Variants in ZNF157 observed in about 807,000 individuals in gnomAD.
ZNF157 encodes the protein zinc finger protein 22.
A neutral mutation model predicts 9.4 loss-of-function variants in ZNF157; 8 were observed. The observed-to-expected ratio is 0.85, with a 90% CI of 0.50 to 1.53. The LOEUF (loss-of-function observed/expected upper bound fraction) is 1.53. ZNF157 is among the 40% of genes most tolerant of loss of function. ZNF157 has a pLI of 0.00. For synonymous variants in ZNF157, 120 were observed against 130.8 expected (o/e 0.92, Z 0.56); for missense variants, 316 against 385.2 (o/e 0.82, Z 1.50).
chrX:47,381,792 A>G (rs1399670151), intron 1 of ZNF157, among the ~76,000 whole-genome samples: 1 of 112,039 alleles, frequency 8.9e-6, no homozygotes, highest in African/African-American at 3.2e-5. Flanking sequence ...CTTGAGCCAG[A>G]CACACAAAAA....
At chrX:47,387,969 T>C (rs1006602550) in intron 1 of ZNF157, among the ~76,000 whole-genome samples, 1 of 109,303 alleles carries the variant, frequency 9.1e-6, no homozygotes, top group Admixed American at 9.9e-5. Flanking sequence ...GTTCCTGATA[T>C]TTAAATTTTT....
At chrX:47,399,310 G>C (rs1273239978) in intron 1 of ZNF157, among the ~76,000 whole-genome samples, 3 of 111,330 alleles carry the variant, frequency 2.7e-5, no homozygotes, top group Non-Finnish European at 5.6e-5. Context: ...AATTTTGTCA[G>C]ATGGGGTGAA....
chrX:47,398,872 A>G (rs2055922189), intron 1 of ZNF157, among the ~76,000 whole-genome samples: 1 of 111,804 alleles, frequency 8.9e-6, no homozygotes, highest in South Asian at 3.7e-4. Flanking sequence ...GGGTTTCACC[A>G]TGTTGGCCAG....
intron 1 of ZNF157, among the ~76,000 whole-genome samples, chrX:47,378,816 C>T (rs747150333): frequency 2.7e-5 from 3 of 110,762 alleles, no homozygotes; most frequent in South Asian, 3.8e-4. Flanking sequence ...CCAGCCTGGG[C>T]GACGGTGCCA....
At chrX:47,403,775 C>A (rs2055938048) in intron 1 of ZNF157, among the ~76,000 whole-genome samples, 1 of 112,244 alleles carries the variant, frequency 8.9e-6, no homozygotes, top group African/African-American at 3.2e-5. Context: ...GATTTTAAAG[C>A]AGCCATCATA....
At chrX:47,401,648 T>C (rs957676531) in intron 1 of ZNF157, among the ~76,000 whole-genome samples, 4 of 111,999 alleles carry the variant, frequency 3.6e-5, no homozygotes, top group African/African-American at 1.3e-4. Context: ...ATTTCACCAT[T>C]TGAGTGGGCC....
At position 47,412,601 on chromosome X, in the gene ZNF157, C is replaced by A. The variant is rs1431635226; in HGVS notation, c.528C>A (p.Asn176Lys). ...ECGKAYCRKS[N>K]LVEHLRIHTG... is the part of the protein sequence containing the mutation. ...GGAAAGCTTACTGTAGGAAGTCAAA[C>A]CTTGTTGAACATCTGAGAATACACA... The change falls in exon 4 of 4, where the codon AAC becomes AAA. Residue 176 changes from asparagine to lysine, a missense_variant. This residue lies in a region of ZNF157 where 146 missense variants were observed against 183.8 expected (regional missense o/e 0.79). Coordinates refer to ENST00000377073, the MANE Select transcript of ZNF157 (RefSeq NM_003446.4). 1.7e-5 allele frequency: 21 copies of A among 1,210,612 alleles called. No homozygotes were observed. The highest frequency in any genetic ancestry group is 2.3e-5 in the Non-Finnish European group (21 of 895,366).
At chrX:47,372,378 G>A (rs995231879) in intron 1 of ZNF157, among the ~76,000 whole-genome samples, 3 of 110,537 alleles carry the variant, frequency 2.7e-5, no homozygotes, top group Non-Finnish European at 3.8e-5. Context: ...CTGGGTAGCC[G>A]AACACATGGG....
At position 47,412,287 on chromosome X, in the gene ZNF157, G is replaced by A. The variant is rs1602776270; in HGVS notation, c.296-82G>A. The A allele has an allele frequency of 2.2e-5, 18 of 821,393 alleles. No homozygotes were observed. The East Asian group carries it at 5.0e-4, about 23-fold the overall frequency. 67.7% of individuals were successfully genotyped at this position (821,393 alleles called of 1,213,427 possible). A position where few individuals can be genotyped will look rare whatever the true frequency, so the allele number is the denominator to read the frequency against. The stretch of plus-strand genomic sequence containing the variant: ...ATAGAGTTTTAAAGGTTGTGTTAAG[G>A]AGTTTAATTTTATACTGTGACAAGA... On this transcript the variant is annotated intron_variant, in intron 3 of 3. Coordinates refer to ENST00000377073, the MANE Select transcript of ZNF157 (RefSeq NM_003446.4).
intron 1 of ZNF157, among the ~76,000 whole-genome samples, chrX:47,407,620 G>A (rs758406034): frequency 4.2e-4 from 47 of 112,087 alleles, no homozygotes; most frequent in Non-Finnish European, 6.4e-4. Context: ...GAATAAAAAT[G>A]TTCGTGGCAT....
At chrX:47,394,787 G>T (rs2055908328) in intron 1 of ZNF157, among the ~76,000 whole-genome samples, 1 of 110,987 alleles carries the variant, frequency 9.0e-6, no homozygotes, top group African/African-American at 3.3e-5. Flanking sequence ...TCCTCCTTCT[G>T]AGCCCTCCTC....
Position 47,410,776 on chromosome X carries a change from G to A in ZNF157, c.295+1G>A. 4 of 1,191,988 alleles carry A rather than the reference G, an allele frequency of 3.4e-6. No individual in the cohort carries two copies. The highest frequency in any genetic ancestry group is 4.5e-6 in the Non-Finnish European group (4 of 881,593). ...GAATCCTCAGGCCATGGTTACTCAG[G>A]TAAGTACTGGGCAAGAACTGGACAT... On this transcript the variant is annotated splice_donor_variant, in intron 3 of 3. Transcript: ENST00000377073. LOFTEE classifies it high-confidence loss of function.
chrX:47,394,120 C>T (rs1217036936), intron 1 of ZNF157, among the ~76,000 whole-genome samples: 1 of 109,786 alleles, frequency 9.1e-6, no homozygotes, highest in African/African-American at 3.3e-5. Flanking sequence ...CGCCACCACG[C>T]CCGGCTAATT....
intron 1 of ZNF157, among the ~76,000 whole-genome samples, chrX:47,395,560 A>G (rs904038379): frequency 8.9e-6 from 1 of 112,163 alleles, no homozygotes; most frequent in African/African-American, 3.2e-5. Flanking sequence ...TCTGCGTAAC[A>G]TGATGCAATT....
At chrX:47,395,244 C>T (rs1235606564) in intron 1 of ZNF157, among the ~76,000 whole-genome samples, 1 of 111,757 alleles carries the variant, frequency 8.9e-6, no homozygotes, top group Non-Finnish European at 1.9e-5. Flanking sequence ...AAATGGGCGT[C>T]TTGCTATGTT....
intron 1 of ZNF157, among the ~76,000 whole-genome samples, chrX:47,371,384 A>T (rs1375914122): frequency 9.1e-6 from 1 of 109,722 alleles, no homozygotes; most frequent in African/African-American, 3.3e-5. Context: ...TCATGCCTGT[A>T]ATCCCAGCTC....
intron 1 of ZNF157, among the ~76,000 whole-genome samples, chrX:47,408,867 A>G (rs1030152275): frequency 2.7e-5 from 3 of 111,438 alleles, no homozygotes; most frequent in African/African-American, 9.8e-5. Flanking sequence ...CCATGATCCA[A>G]TCCCCTCCCA....
At chrX:47,404,269 G>A (rs1392781070) in intron 1 of ZNF157, among the ~76,000 whole-genome samples, 7 of 109,334 alleles carry the variant, frequency 6.4e-5, no homozygotes, top group Non-Finnish European at 7.6e-5. Flanking sequence ...AGGTTCAATC[G>A]ATTCTGCCCC....
chrX:47,409,656 T>C (rs900165383), intron 1 of ZNF157, among the ~76,000 whole-genome samples: 1 of 107,852 alleles, frequency 9.3e-6, no homozygotes, highest in Non-Finnish European at 1.9e-5. Flanking sequence ...TTCTTTTTTT[T>C]TTTTTGAGAC....
Sources: gnomAD v4.1 joint callset for allele counts (sites outside exome capture counted in the v4.1 genomes callset) on GRCh38, gnomAD v4.1.1 for gene constraint, gnomAD v4.1.1 regional missense constraint, MANE v1.5 for transcripts, NCBI Gene and HGNC (gene_info 2026-07-23, HGNC 2026-07-21) for gene names.